The following PIGB variants were observed in gnomAD, a reference collection of about 807,000 sequenced individuals.
PIGB encodes the protein GPI alpha-1,2-mannosyltransferase 3.
PIGB carries 58 observed loss-of-function variants against 68.4 expected under a neutral mutation model. That is an observed-to-expected ratio of 0.85 (90% confidence interval 0.69 to 1.06). PIGB has a LOEUF of 1.06. PIGB is among the 50% of genes least tolerant of loss of function. PIGB has a pLI of 0.00. For synonymous variants in PIGB, 219 were observed against 220.5 expected, an observed-to-expected ratio of 0.99 and a Z score of 0.06; for missense variants, 634 against 655.8, an observed-to-expected ratio of 0.97 and a Z score of 0.36.
intron 4 of PIGB, among the ~76,000 whole-genome samples, chr15:55,328,831 T>G (rs2055348297): frequency 6.6e-6 from 1 of 152,100 alleles, no homozygotes. Context: ...CCAGGCGTGG[T>G]GGCAGACACC....
At chr15:55,349,173 G>A (rs1197585454) in intron 9 of PIGB, among the ~76,000 whole-genome samples, 3 of 148,528 alleles carry the variant, frequency 2.0e-5, no homozygotes, top group Admixed American at 6.8e-5. Context: ...GTGAGCTACC[G>A]CACCTGGCCC....
rs562033918 is a variant in PIGB, at chr15:55,329,091, CAACT to C, written c.523-629_523-626del. On this transcript the variant is annotated intron_variant, in intron 4 of 11. Coordinates refer to ENST00000164305, the MANE Select transcript of PIGB (RefSeq NM_004855.5). ...AGTGCCACATGCTTAACAATTGCCT[CAACT>C]AACAAGTTTCTTTTAACACATTTGT... 3.9e-5 allele frequency among the ~76,000 whole-genome samples: 6 copies of C among 152,334 alleles called. No homozygotes were observed. The South Asian group carries it at 6.2e-4, about 16-fold the overall frequency.
At chr15:55,349,070 T>A (rs1248577029) in intron 9 of PIGB, among the ~76,000 whole-genome samples, 1 of 151,482 alleles carries the variant, frequency 6.6e-6, no homozygotes. Context: ...TTAGTAGAGA[T>A]GGGGTTTCAC....
intron 10 of PIGB, among the ~76,000 whole-genome samples, chr15:55,353,630 T>C (rs189813587): frequency 6.6e-6 from 1 of 152,280 alleles, no homozygotes; most frequent in Admixed American, 6.5e-5. Context: ...TGAGACAGAC[T>C]CTTGCTCTGT....
intron 9 of PIGB, chr15:55,348,419 C>T (rs2055850967): frequency 6.6e-6 from 1 of 152,256 alleles, no homozygotes. Context: ...GGACGTTTGT[C>T]CCCTAAACCT....
chr15:55,319,423 G>A lies in PIGB; in HGVS notation c.163+10G>A, dbSNP rs2055109962. The A allele has an allele frequency of 6.4e-7, 1 of 1,550,658 alleles. No individual in the cohort carries two copies. Among genetic ancestry groups the A allele is most frequent in the Admixed American group, 2.0e-5 (1 of 50,922 alleles). On this transcript the variant is annotated intron_variant, in intron 1 of 11. Transcript: ENST00000164305. ...GCCAGGCGCCGCGGGGGTGAGTGAG[G>A]GGACACTGTCTGGAGAGCTCCTACC...
At chr15:55,337,057 T>C (rs1189363469) in intron 6 of PIGB, among the ~76,000 whole-genome samples, 2 of 152,082 alleles carry the variant, frequency 1.3e-5, no homozygotes, top group East Asian at 3.8e-4. Flanking sequence ...AGATAACTCA[T>C]AGAAAAATTA....
intron 3 of PIGB, among the ~76,000 whole-genome samples, chr15:55,326,226 A>G (rs543151527): frequency 2.4e-4 from 36 of 152,038 alleles, no homozygotes; most frequent in African/African-American, 7.9e-4. Context: ...TCTCAAAAAA[A>G]AAAAAAGTAT....
chr15:55,321,530 G>A (rs960936570), intron 3 of PIGB, 140 bp downstream of exon 3: 2 of 604,548 alleles, frequency 3.3e-6, no homozygotes, highest in Non-Finnish European at 5.5e-6. Context: ...TTTAGTTTGT[G>A]CTGAAATACA....
At chr15:55,338,714 C>G (rs1355319339) in intron 6 of PIGB, among the ~76,000 whole-genome samples, 2 of 152,118 alleles carry the variant, frequency 1.3e-5, no homozygotes, top group Non-Finnish European at 2.9e-5. Context: ...GTCTCACTCA[C>G]TCTTGGCTGA....
chr15:55,331,071 A>G (rs2055402210), intron 5 of PIGB, among the ~76,000 whole-genome samples: 1 of 152,212 alleles, frequency 6.6e-6, no homozygotes, highest in Non-Finnish European at 1.5e-5. Flanking sequence ...TATATCCCAA[A>G]TAGCCTATGA....
chr15:55,329,059 G>T (rs141999232), intron 4 of PIGB, among the ~76,000 whole-genome samples: 188 of 152,296 alleles, frequency 1.2e-3, no homozygotes, highest in African/African-American at 4.4e-3. Context: ...TGGTGAGATG[G>T]GAAGCTAGTG....
intron 4 of PIGB, among the ~76,000 whole-genome samples, chr15:55,329,034 T>C (rs1054374253): frequency 6.6e-6 from 1 of 152,208 alleles, no homozygotes. Flanking sequence ...GGGAACATTT[T>C]TTAAAGGCTA....
Position 55,354,984 on chromosome 15 carries a change from TA to T in PIGB, c.1518+9del. 1 of 1,601,590 alleles carries T rather than the reference TA, an allele frequency of 6.2e-7. No homozygotes were observed. The highest frequency in any genetic ancestry group is 8.5e-7 in the Non-Finnish European group (1 of 1,174,086). On this transcript the variant is annotated splice_region_variant and intron_variant, in intron 11 of 11. Coordinates refer to ENST00000164305, the MANE Select transcript of PIGB (RefSeq NM_004855.5). The stretch of plus-strand genomic sequence containing the variant: ...CCTTCAGCATTTTGGAAGAGGTAAG[TA>T]AACATGAAAAAGAGGAAAACTCAGT...
intron 7 of PIGB, 114 bp downstream of exon 7, chr15:55,339,432 G>C (rs1457372819): frequency 9.0e-6 from 6 of 663,322 alleles, no homozygotes; most frequent in African/African-American, 7.4e-5. Context: ...AAGACTTCTA[G>C]GCATATCCTA....
intron 6 of PIGB, among the ~76,000 whole-genome samples, chr15:55,336,948 C>T (rs1324756297): frequency 6.6e-6 from 1 of 152,224 alleles, no homozygotes; most frequent in Non-Finnish European, 1.5e-5. Flanking sequence ...TGAAATTGCA[C>T]CACTGCACTC....
chr15:55,339,749 G>A (rs1292693165), intron 7 of PIGB, among the ~76,000 whole-genome samples: 4 of 152,146 alleles, frequency 2.6e-5, no homozygotes, highest in Non-Finnish European at 4.4e-5. Flanking sequence ...TATTCTAAGT[G>A]AAATAACTCA....
chr15:55,327,800 T>C (rs560430325), intron 4 of PIGB, among the ~76,000 whole-genome samples, 165 bp downstream of exon 4: 1 of 152,326 alleles, frequency 6.6e-6, no homozygotes, highest in South Asian at 2.1e-4. Context: ...GCACCTGCCA[T>C]ATCTTTCCTT....
At chr15:55,340,902 T>C in intron 8 of PIGB, 79 bp downstream of exon 8, 1 of 995,622 alleles carries the variant, frequency 1.0e-6, no homozygotes, top group Non-Finnish European at 1.5e-6. Context: ...AAAGTAAACT[T>C]TATGTTTTGG....
Sources: allele counts gnomAD v4.1 joint callset (sites outside exome capture counted in the v4.1 genomes callset), GRCh38; gene constraint gnomAD v4.1.1; transcripts MANE v1.5; gene names NCBI Gene and HGNC (gene_info 2026-07-23, HGNC 2026-07-21).